NKAIN2: variants seen among roughly 807,000 people sequenced by gnomAD.
The protein encoded by NKAIN2 is sodium/potassium transporting ATPase interacting 2, also known as sodium/potassium-transporting ATPase subunit beta-1-interacting protein 2.
Under a neutral mutation model 32.6 loss-of-function variants are expected in NKAIN2, and 14 were observed. The observed-to-expected ratio is 0.43, with a 90% CI of 0.28 to 0.67. NKAIN2 has a LOEUF of 0.67. Ranked by LOEUF, NKAIN2 falls within the 30% of genes least tolerant of loss-of-function variation. The probability of loss-of-function intolerance (pLI) is 0.17; values close to 1 mark genes in which losing one functional copy is unlikely to be tolerated. For synonymous variants in NKAIN2, 80 were observed against 87.2 expected, an observed-to-expected ratio of 0.92 and a Z score of 0.46; for missense variants, 198 against 258.3, an observed-to-expected ratio of 0.77 and a Z score of 1.60.
chr6:124,679,522 G>A (rs967518781), intron 4 of NKAIN2, among the ~76,000 whole-genome samples: 2 of 152,112 alleles, frequency 1.3e-5, no homozygotes, highest in Non-Finnish European at 2.9e-5. Context: ...GAGTGCCATC[G>A]ATTTTTCTGG....
intron 1 of NKAIN2, among the ~76,000 whole-genome samples, chr6:124,099,025 A>G (rs1784764632): frequency 6.6e-6 from 1 of 152,172 alleles, no homozygotes; most frequent in Non-Finnish European, 1.5e-5. Flanking sequence ...ATAAAGACAA[A>G]CTGAAATACA....
intron 4 of NKAIN2, among the ~76,000 whole-genome samples, chr6:124,769,454 G>A (rs13207242): frequency 0.12 from 18,376 of 152,064 alleles, 1,335 homozygotes; most frequent in South Asian, 0.2. Flanking sequence ...TATTAATGAA[G>A]AATTCAGAGA....
chr6:124,000,373 G>T (rs1038603123), intron 1 of NKAIN2, among the ~76,000 whole-genome samples: 2 of 151,968 alleles, frequency 1.3e-5, no homozygotes, highest in East Asian at 1.9e-4. Context: ...TATTTGTCTT[G>T]TATTTACCTT....
intron 3 of NKAIN2, among the ~76,000 whole-genome samples, chr6:124,402,254 G>C (rs1028106899): frequency 5.3e-5 from 8 of 152,240 alleles, no homozygotes; most frequent in Admixed American, 3.9e-4. Context: ...TTCACATTAT[G>C]ATGTGTAATC....
At chr6:124,611,931 G>C (rs1782705343) in intron 3 of NKAIN2, among the ~76,000 whole-genome samples, 1 of 151,952 alleles carries the variant, frequency 6.6e-6, no homozygotes, top group African/African-American at 2.4e-5. Flanking sequence ...TTTTTTATCA[G>C]CTTTATATTC....
rs1490141058 is a variant in NKAIN2 at position 123,913,118 on chromosome 6, T to C, written c.54+108864T>C. Among the ~76,000 whole-genome samples, 3 of 152,172 alleles carry C rather than the reference T, an allele frequency of 2.0e-5. No homozygotes were observed. In the East Asian group the frequency reaches 5.8e-4, roughly 29 times the overall value. ...TTCATGAGAATATTGTTGCAGAATG[T>C]TGGGTTTGAGGGAACCTCCCATGTT... is the stretch of plus-strand genomic sequence containing the variant. On this transcript the variant is annotated intron_variant, in intron 1 of 6. Coordinates refer to ENST00000368417, the MANE Select transcript of NKAIN2 (RefSeq NM_001040214.3).
At chr6:124,753,861 C>A (rs1395452743) in intron 4 of NKAIN2, among the ~76,000 whole-genome samples, 2 of 151,996 alleles carry the variant, frequency 1.3e-5, no homozygotes, top group African/African-American at 2.4e-5. Flanking sequence ...ATAAAGAGGT[C>A]TTTTATAAAA....
In NKAIN2 at chr6:123,976,248, C is replaced by CATATAT. The variant is rs145822155; in HGVS notation, c.54+172005_54+172010dup. On this transcript the variant is annotated intron_variant, in intron 1 of 6. Coordinates refer to ENST00000368417, the MANE Select transcript of NKAIN2 (RefSeq NM_001040214.3). ...ACAAACGTCCAGACAATAGCAAGAA[C>CATATAT]ATATATATATATATATGTTTCCATA... Among the ~76,000 whole-genome samples, 53 of 101,022 alleles carry CATATAT rather than the reference C, an allele frequency of 5.2e-4. 1 individual carries two copies. Among genetic ancestry groups the CATATAT allele is most frequent in the African/African-American group, 1.8e-3 (50 of 27,148 alleles). The allele number at this position is 101,022 out of a possible 152,430, so 66.3% of individuals were successfully genotyped here. A position where few individuals can be genotyped will look rare whatever the true frequency, so the allele number is the denominator to read the frequency against.
intron 1 of NKAIN2, among the ~76,000 whole-genome samples, chr6:123,876,930 T>C (rs1174602436): frequency 6.6e-6 from 1 of 152,216 alleles, no homozygotes; most frequent in South Asian, 2.1e-4. Flanking sequence ...TAAACTTTTA[T>C]CCTGTCTTAT....
At chr6:124,694,741 T>C (rs1774416734) in intron 4 of NKAIN2, among the ~76,000 whole-genome samples, 1 of 152,124 alleles carries the variant, frequency 6.6e-6, no homozygotes, top group Non-Finnish European at 1.5e-5. Flanking sequence ...CTGGAAGCCA[T>C]AGTTTAATCT....
At chr6:124,584,472 T>C (rs1781635631) in intron 3 of NKAIN2, among the ~76,000 whole-genome samples, 1 of 151,984 alleles carries the variant, frequency 6.6e-6, no homozygotes, top group Non-Finnish European at 1.5e-5. Flanking sequence ...GCCAACATTG[T>C]GGAACCCCAT....
intron 1 of NKAIN2, among the ~76,000 whole-genome samples, chr6:123,870,034 G>A (rs550177617): frequency 1.3e-5 from 2 of 152,228 alleles, no homozygotes; most frequent in African/African-American, 4.8e-5. Flanking sequence ...ATGTAACATG[G>A]TGGTGAAGAG....
At chr6:124,759,648 CACACACA>C (rs1778157043) in intron 4 of NKAIN2, among the ~76,000 whole-genome samples, 55 of 97,980 alleles carry the variant, frequency 5.6e-4, no homozygotes, top group African/African-American at 1.0e-3. Context: ...CACACACACA[CACACACA>C]CCCCCTATCT....
intron 2 of NKAIN2, among the ~76,000 whole-genome samples, chr6:124,354,264 A>T (rs1246326549): frequency 1.3e-5 from 2 of 152,120 alleles, no homozygotes; most frequent in Admixed American, 6.5e-5. Flanking sequence ...ATCTATTTTT[A>T]AAAAGTCACT....
At chr6:123,992,694 A>C (rs1006478589) in intron 1 of NKAIN2, among the ~76,000 whole-genome samples, 3 of 152,236 alleles carry the variant, frequency 2.0e-5, no homozygotes, top group African/African-American at 7.2e-5. Context: ...CTGACTAGGA[A>C]GTGTTTAATG....
rs569931078 is a variant in NKAIN2 at position 124,143,359 on chromosome 6, G to T, written c.55-139646G>T. ...ACCTGTGGTCCCAGCTACTTGGGAGGCTGAGACAGGAGGATCATTTGAGCC... is the reference window on the plus strand; with the variant it reads ...ACCTGTGGTCCCAGCTACTTGGGAGTCTGAGACAGGAGGATCATTTGAGCC... On this transcript the variant is annotated intron_variant, in intron 1 of 6. Coordinates refer to ENST00000368417, the MANE Select transcript of NKAIN2 (RefSeq NM_001040214.3). Among the ~76,000 whole-genome samples the T allele has an allele frequency of 3.3e-5, 5 of 152,266 alleles. No homozygotes were observed. In the South Asian group the frequency reaches 1.0e-3, roughly 32 times the overall value.
At chr6:124,414,972 TG>T (rs1262015636) in intron 3 of NKAIN2, among the ~76,000 whole-genome samples, 1 of 143,620 alleles carries the variant, frequency 7.0e-6, no homozygotes, top group Non-Finnish European at 1.5e-5. Context: ...AGGTTTTGAG[TG>T]AAAAAAAAAA....
intron 1 of NKAIN2, among the ~76,000 whole-genome samples, chr6:123,973,905 G>T (rs1030973562): frequency 2.0e-5 from 3 of 151,972 alleles, no homozygotes; most frequent in African/African-American, 7.3e-5. Context: ...TTGTTCCAAC[G>T]TAAAACAAAT....
At chr6:123,958,992 C>T (rs1472312638) in intron 1 of NKAIN2, among the ~76,000 whole-genome samples, 2 of 152,202 alleles carry the variant, frequency 1.3e-5, no homozygotes, top group Non-Finnish European at 2.9e-5. Flanking sequence ...AAACCAATCC[C>T]AGGGAAGCTT....
Sources: allele counts gnomAD v4.1 joint callset (sites outside exome capture counted in the v4.1 genomes callset), GRCh38; gene constraint gnomAD v4.1.1; transcripts MANE v1.5; gene names NCBI Gene and HGNC (gene_info 2026-07-23, HGNC 2026-07-21).